KIF2A: variants seen among roughly 807,000 people sequenced by gnomAD.
KIF2A encodes the protein kinesin-like protein KIF2A.
In KIF2A, 22 loss-of-function variants were observed where a neutral mutation model predicts 100.2. That is an observed-to-expected ratio of 0.22 (90% CI 0.16 to 0.31). KIF2A has a LOEUF of 0.31. KIF2A is among the 10% of genes least tolerant of loss of function. The pLI is 1.00. For synonymous variants in KIF2A, 268 were observed against 285.9 expected (o/e 0.94, Z 0.63); for missense variants, 495 against 898.7 (o/e 0.55, Z 5.74).
chr5:62,334,249 C>T (rs1457129435), intron 1 of KIF2A, among the ~76,000 whole-genome samples: 1 of 152,018 alleles, frequency 6.6e-6, no homozygotes, highest in Non-Finnish European at 1.5e-5. Flanking sequence ...CATGACTCAC[C>T]TGGGCATTAG....
intron 3 of KIF2A, 146 bp from the exon 4 acceptor site, chr5:62,349,920 T>A: frequency 1.8e-6 from 1 of 569,930 alleles, no homozygotes; most frequent in East Asian, 3.5e-5. Context: ...GCATTAATAG[T>A]AATTCATTAA....
At chr5:62,360,257 T>C (rs1276159042) in intron 9 of KIF2A, among the ~76,000 whole-genome samples, 1 of 152,066 alleles carries the variant, frequency 6.6e-6, no homozygotes, top group Non-Finnish European at 1.5e-5. Flanking sequence ...CCCAAAGTGT[T>C]GGGATTACAG....
intron 1 of KIF2A, among the ~76,000 whole-genome samples, chr5:62,335,688 C>A (rs1746908521): frequency 1.3e-5 from 2 of 152,134 alleles, no homozygotes; most frequent in Admixed American, 1.3e-4. Flanking sequence ...CACCTTTTCA[C>A]CTCTCAATGG....
chr5:62,307,074 G>A (rs1486724433), intron 1 of KIF2A: 1 of 152,518 alleles, frequency 6.6e-6, no homozygotes, highest in African/African-American at 2.4e-5. Flanking sequence ...ACTGCCGTCT[G>A]GTTGTCAGGC....
chr5:62,376,406 TTTTGTTTG>T (rs4024077), intron 18 of KIF2A, among the ~76,000 whole-genome samples: 80 of 151,540 alleles, frequency 5.3e-4, no homozygotes, highest in African/African-American at 1.7e-3. Flanking sequence ...GAGAAGTTTT[TTTTGTTTG>T]TTTGTTTGTT....
rs1186230224 is a variant in KIF2A at position 62,388,001 on chromosome 5, ATAACTC to A, written c.*2435_*2440del. ...TTTTTATAGAAACAAAATAGCTACT[ATAACTC>A]TATTATAGTATATTAACAGCACTTA... On this transcript the variant is annotated 3_prime_UTR_variant, in exon 21 of 21. Coordinates refer to ENST00000407818, the MANE Select transcript of KIF2A (RefSeq NM_001098511.3). 2 of 152,170 alleles carry A rather than the reference ATAACTC, an allele frequency of 1.3e-5. No homozygotes were observed. Among genetic ancestry groups the A allele is most frequent in the Non-Finnish European group, 2.9e-5 (2 of 68,016 alleles). 9.4% of individuals were successfully genotyped at this position (152,170 alleles called of 1,614,324 possible).
At chr5:62,356,261 TG>T (rs1294431281) in intron 7 of KIF2A, among the ~76,000 whole-genome samples, 1 of 152,258 alleles carries the variant, frequency 6.6e-6, no homozygotes, top group East Asian at 1.9e-4. Flanking sequence ...TTTTAGGCCT[TG>T]CTATTCCTTC....
chr5:62,314,204 T>G (rs1745694123), intron 1 of KIF2A, among the ~76,000 whole-genome samples: 1 of 152,120 alleles, frequency 6.6e-6, no homozygotes, highest in East Asian at 1.9e-4. Context: ...TGGTGTCTCA[T>G]GCCTGTAATC....
chr5:62,373,191 A>C (rs1304580712), intron 17 of KIF2A, among the ~76,000 whole-genome samples: 1 of 152,056 alleles, frequency 6.6e-6, no homozygotes, highest in Non-Finnish European at 1.5e-5. Context: ...TATAAATAAA[A>C]TTATTTTACA....
At chr5:62,337,878 A>G (rs1003494996) in intron 1 of KIF2A, among the ~76,000 whole-genome samples, 3 of 152,080 alleles carry the variant, frequency 2.0e-5, no homozygotes, top group African/African-American at 7.2e-5. Flanking sequence ...TTAATTAATG[A>G]TATAAAAATC....
chr5:62,327,556 G>A lies in KIF2A; in HGVS notation c.65-19574G>A, dbSNP rs576227828. Reference sequence around the variant, plus strand: ...AGAGAGCCTACTTCATATCTCCACTGGACAGATATCTTAAACTTCATACGT... The same window carrying A: ...AGAGAGCCTACTTCATATCTCCACTAGACAGATATCTTAAACTTCATACGT... On this transcript the variant is annotated intron_variant, in intron 1 of 20. Transcript: ENST00000407818. 3.9e-4 allele frequency among the ~76,000 whole-genome samples: 60 copies of A among 152,226 alleles called. 1 individual carries two copies. Among genetic ancestry groups the A allele is most frequent in the African/African-American group, 1.4e-3 (59 of 41,550 alleles).
At position 62,306,546 on chromosome 5, in the gene KIF2A, G is replaced by A. The variant is rs1579986885; in HGVS notation, c.64+10G>A. ...ATCAAGCGCAGCGATGGTGAGCCGCGCTGCCAGCCCCGCTGGCCCGCTCGG... is the reference window on the plus strand; with the variant it reads ...ATCAAGCGCAGCGATGGTGAGCCGCACTGCCAGCCCCGCTGGCCCGCTCGG... On this transcript the variant is annotated intron_variant, in intron 1 of 20. Coordinates refer to ENST00000407818, the MANE Select transcript of KIF2A (RefSeq NM_001098511.3). The A allele has an allele frequency of 1.0e-5, 16 of 1,544,502 alleles. No homozygotes were observed. In the African/African-American group the frequency reaches 1.1e-4, roughly 11 times the overall value.
chr5:62,325,681 A>T (rs1746340133), intron 1 of KIF2A, among the ~76,000 whole-genome samples: 1 of 152,222 alleles, frequency 6.6e-6, no homozygotes, highest in Non-Finnish European at 1.5e-5. Context: ...GGGAACACTC[A>T]CACACTGTTG....
At position 62,361,478 on chromosome 5, in the gene KIF2A, G is replaced by T. The variant is rs1221139550; in HGVS notation, c.976G>T (p.Asp326Tyr). The change falls in exon 11 of 21, where the codon GAC becomes TAC. Residue 326 changes from aspartate to tyrosine, a missense_variant. By Grantham distance (160) the Asp-to-Tyr change is radical. Around this residue, in one of 10 missense-constraint regions of KIF2A, gnomAD observed 109 missense variants for 244.2 expected, o/e 0.45. Coordinates refer to ENST00000407818, the MANE Select transcript of KIF2A (RefSeq NM_001098511.3). ...GSGKTHTMGG[D>Y]FSGKNQDCSK... ...TTTTAAAATATAGACTATGGGTGGT[G>T]ACTTTTCAGGAAAGAACCAAGATTG... The T allele has an allele frequency of 6.3e-7, 1 of 1,577,954 alleles. No homozygotes were observed. The highest frequency in any genetic ancestry group is 8.7e-7 in the Non-Finnish European group (1 of 1,148,376).
At chr5:62,348,617 G>T (rs1747692273) in intron 3 of KIF2A, among the ~76,000 whole-genome samples, 1 of 152,168 alleles carries the variant, frequency 6.6e-6, no homozygotes, top group Non-Finnish European at 1.5e-5. Context: ...TGACTGTCAT[G>T]ATATACCTTA....
chr5:62,378,093 A>G (rs1741621566), intron 19 of KIF2A, among the ~76,000 whole-genome samples: 2 of 152,214 alleles, frequency 1.3e-5, no homozygotes, highest in African/African-American at 4.8e-5. Context: ...ATAGCAGTTA[A>G]GAAAAACTCT....
rs75975313 is a variant in KIF2A, at chr5:62,343,395, T to A, written c.65-3735T>A. Among the ~76,000 whole-genome samples the A allele has an allele frequency of 9.5e-4, 145 of 152,258 alleles. 1 individual carries two copies. The East Asian group carries it at 0.025, about 27-fold the overall frequency. On this transcript the variant is annotated intron_variant, in intron 1 of 20. Coordinates refer to ENST00000407818, the MANE Select transcript of KIF2A (RefSeq NM_001098511.3). The stretch of plus-strand genomic sequence containing the variant: ...CACATTTAAGTTTGTGACCCATCTT[T>A]TGGGGAAGTGGGGGGAATGGAGGTG...
intron 9 of KIF2A, among the ~76,000 whole-genome samples, chr5:62,359,513 G>A (rs901360500): frequency 1.3e-5 from 2 of 151,278 alleles, no homozygotes; most frequent in Admixed American, 6.6e-5. Context: ...AGATATTTGT[G>A]AAGAATATGT....
At chr5:62,345,481 CAAA>C (rs777301847) in intron 1 of KIF2A, among the ~76,000 whole-genome samples, 6 of 80,724 alleles carry the variant, frequency 7.4e-5, no homozygotes, top group Admixed American at 2.5e-4. Flanking sequence ...GACTCTGTCT[CAAA>C]AAAAAAAAAA....
Sources: gnomAD v4.1 joint callset for allele counts (sites outside exome capture counted in the v4.1 genomes callset) on GRCh38, gnomAD v4.1.1 for gene constraint, gnomAD v4.1.1 regional missense constraint, MANE v1.5 for transcripts, NCBI Gene and HGNC (gene_info 2026-07-23, HGNC 2026-07-21) for gene names.